TUBGCP5: variants seen among roughly 807,000 people sequenced by gnomAD.
TUBGCP5 encodes gamma-tubulin complex component 5.
TUBGCP5 carries 98 observed loss-of-function variants against 134.7 expected under a neutral mutation model. The observed-to-expected ratio is 0.73, with a 90% CI of 0.62 to 0.86. TUBGCP5 has a LOEUF of 0.86. Ranked by LOEUF, TUBGCP5 falls within the 40% of genes least tolerant of loss-of-function variation. The pLI is 0.00. For synonymous variants in TUBGCP5, 456 were observed against 431.4 expected (o/e 1.06, Z -0.71); for missense variants, 1,150 against 1,244.8 (o/e 0.92, Z 1.15).
downstream of TUBGCP5, chr15:22,983,093 A>C (rs1022656380): frequency 6.6e-6 from 1 of 152,180 alleles, no homozygotes; most frequent in African/African-American, 2.4e-5. Flanking sequence ...AAGATACAAA[A>C]TTTTTTTTAA....
intron 19 of TUBGCP5, chr15:23,004,620 A>G (rs2064596661): frequency 6.1e-6 from 1 of 163,528 alleles, no homozygotes; most frequent in African/African-American, 2.4e-5. Context: ...CTTTTCTCAT[A>G]CATTGATCTT....
At chr15:23,031,071 G>A (rs1483860524) in intron 5 of TUBGCP5, 51 bp from the exon 6 acceptor site, 3 of 1,489,366 alleles carry the variant, frequency 2.0e-6, no homozygotes, top group Admixed American at 2.4e-5. Context: ...AACACTTAAA[G>A]CTATTTACAT....
chr15:23,024,627 A>T, intron 9 of TUBGCP5, 110 bp downstream of exon 9: 1 of 610,086 alleles, frequency 1.6e-6, no homozygotes, highest in Non-Finnish European at 2.7e-6. Flanking sequence ...GCATGTGAGG[A>T]AGCAAGAACG....
At chr15:23,023,786 G>A in intron 10 of TUBGCP5, 161 bp downstream of exon 10, 1 of 658,044 alleles carries the variant, frequency 1.5e-6, no homozygotes, top group Non-Finnish European at 2.3e-6. Context: ...TTAGAGATAT[G>A]AATGGCTTAA....
chr15:23,007,207 T>C (rs932780838), intron 16 of TUBGCP5, among the ~76,000 whole-genome samples: 6 of 152,098 alleles, frequency 3.9e-5, no homozygotes, highest in Middle Eastern at 6.8e-3. Context: ...ATCGAGACCA[T>C]CCTGGCTAAC....
At chr15:23,000,234 T>C in intron 22 of TUBGCP5, 3 of 1,201,262 alleles carry the variant, frequency 2.5e-6, no homozygotes, top group Non-Finnish European at 3.1e-6. Flanking sequence ...AAAAAAATTT[T>C]TAAAAAGACT....
intron 23 of TUBGCP5, among the ~76,000 whole-genome samples, chr15:22,993,753 C>G (rs978831600): frequency 1.3e-5 from 2 of 151,718 alleles, no homozygotes; most frequent in Non-Finnish European, 2.9e-5. Flanking sequence ...CCATGTTGGC[C>G]AGGCTGGTCT....
intron 3 of TUBGCP5, among the ~76,000 whole-genome samples, chr15:23,033,419 C>T (rs2066421923): frequency 1.3e-5 from 2 of 152,074 alleles, no homozygotes. Context: ...GCTGGGATTA[C>T]AGGTACGCAC....
intron 14 of TUBGCP5, 126 bp downstream of exon 14, chr15:23,011,007 A>AG (rs2065003297): frequency 1.1e-6 from 1 of 886,814 alleles, no homozygotes; most frequent in African/African-American, 1.7e-5. Flanking sequence ...AAAAGGAAAA[A>AG]GAAAAAAGAA....
chr15:23,031,141 A>T, intron 5 of TUBGCP5, 121 bp from the exon 6 acceptor site: 1 of 1,006,652 alleles, frequency 9.9e-7, no homozygotes, highest in Non-Finnish European at 1.4e-6. Context: ...GGAACAGAAA[A>T]ACAAATTTTT....
Position 23,019,429 on chromosome 15 carries a change from G to A in TUBGCP5, c.1372-95C>T, listed in dbSNP as rs558697497. Reference sequence around the variant, plus strand: ...ATTTCTGAAATGCCTTTAAAAAAGTGATCGGATTTCTATGTTTTTTGGGGC... The same window carrying A: ...ATTTCTGAAATGCCTTTAAAAAAGTAATCGGATTTCTATGTTTTTTGGGGC... On this transcript the variant is annotated intron_variant, in intron 11 of 22. Coordinates refer to ENST00000615383, the MANE Select transcript of TUBGCP5 (RefSeq NM_052903.6). 22 of 772,480 alleles carry A rather than the reference G, an allele frequency of 2.8e-5. 1 individual carries two copies. Among genetic ancestry groups the A allele is most frequent in the South Asian group, 1.8e-4 (11 of 62,712 alleles). The allele number at this position is 772,480 out of a possible 1,614,324, so 47.9% of individuals were successfully genotyped here. A position where few individuals can be genotyped will look rare whatever the true frequency, so the allele number is the denominator to read the frequency against.
downstream of TUBGCP5, among the ~76,000 whole-genome samples, chr15:22,994,322 T>C (rs1299119934): frequency 6.6e-6 from 1 of 151,916 alleles, no homozygotes; most frequent in Non-Finnish European, 1.5e-5. Flanking sequence ...ACTCGTGACC[T>C]CCAATAATCC....
At chr15:23,035,626 C>CCCCA (rs1239784777) in intron 3 of TUBGCP5, among the ~76,000 whole-genome samples, 1 of 152,166 alleles carries the variant, frequency 6.6e-6, no homozygotes, top group Non-Finnish European at 1.5e-5. Flanking sequence ...TCCTCACTCA[C>CCCCA]CCCACTGCAC....
At chr15:23,024,955 GCAGCAGCATGATCA>G in intron 8 of TUBGCP5, 125 bp from the exon 9 acceptor site, 2 of 616,452 alleles carry the variant, frequency 3.2e-6, no homozygotes, top group South Asian at 3.8e-5. Context: ...AGGCTGGAGT[GCAGCAGCATGATCA>G]CAGCTCACTG....
chr15:22,986,974 T>C (rs1014358738), intron 23 of TUBGCP5, among the ~76,000 whole-genome samples: 5 of 152,116 alleles, frequency 3.3e-5, no homozygotes, highest in African/African-American at 4.8e-5. Context: ...CTGCAAGGAA[T>C]TGGCTTATGC....
In TUBGCP5 at chr15:23,006,268, C is replaced by G; in HGVS notation, c.2412G>C (p.Lys804Asn). The G allele has an allele frequency of 3.1e-6, 5 of 1,609,326 alleles. No homozygotes were observed. Among genetic ancestry groups the G allele is most frequent in the Non-Finnish European group, 4.2e-6 (5 of 1,178,828 alleles). ...TCATACAAGGAATATCAGCATATAC[C>G]TTGTAGCTGAGGGTCAGACCATCTA... The part of the protein sequence containing the change: ...HILDGLTLSY[K>N]VPWPVDIVIS... Residue 804 changes from lysine to asparagine, a missense_variant and splice_region_variant, in exon 17 of 23, where the codon AAG becomes AAC. Lys to Asn is a moderately conservative substitution (Grantham distance 94, BLOSUM62 0). Coordinates refer to ENST00000615383, the MANE Select transcript of TUBGCP5 (RefSeq NM_052903.6).
downstream of TUBGCP5, chr15:22,999,172 T>C (rs537310296): frequency 6.6e-6 from 1 of 152,172 alleles, no homozygotes; most frequent in Admixed American, 6.5e-5. Flanking sequence ...AAAAGGATAA[T>C]AAAATGATTT....
intron 23 of TUBGCP5, among the ~76,000 whole-genome samples, chr15:22,993,545 T>G (rs1258338190): frequency 3.1e-5 from 4 of 128,802 alleles, no homozygotes; most frequent in African/African-American, 5.6e-5. Context: ...TTTTTTTTTT[T>G]TTTTTTTTTT....
chr15:22,999,950 A>G (rs2064274675), intron 22 of TUBGCP5, 84 bp from the exon 23 acceptor site: 9 of 1,281,846 alleles, frequency 7.0e-6, no homozygotes, highest in Non-Finnish European at 1.0e-5. Flanking sequence ...TCCCACTGTC[A>G]CCCAGGCTGG....
Sources: gnomAD v4.1 joint callset for allele counts (sites outside exome capture counted in the v4.1 genomes callset) on GRCh38, gnomAD v4.1.1 for gene constraint, MANE v1.5 for transcripts, NCBI Gene and HGNC (gene_info 2026-07-23, HGNC 2026-07-21) for gene names.